The following PIK3R4 variants were observed in gnomAD, a reference collection of about 807,000 sequenced individuals.
PIK3R4 encodes phosphoinositide 3-kinase regulatory subunit 4.
In PIK3R4, 46 loss-of-function variants were observed where a neutral mutation model predicts 136.5. The ratio of observed to expected loss-of-function variants is 0.34; its 90% CI spans 0.27 to 0.43. The LOEUF is 0.43. Among genes scored for constraint, PIK3R4 ranks in the 20% least tolerant of loss-of-function variants. The pLI, the probability that PIK3R4 is intolerant of heterozygous loss-of-function variation, is 1.00. For synonymous variants in PIK3R4, 557 were observed against 566.7 expected (o/e 0.98, Z 0.24); for missense variants, 1,331 against 1,649.5 (o/e 0.81, Z 3.35).
chr3:130,690,807 T>G (rs2066513046), intron 13 of PIK3R4, 153 bp from the exon 14 acceptor site: 1 of 552,940 alleles, frequency 1.8e-6, no homozygotes, highest in South Asian at 2.7e-5. Context: ...TCAAAAGAAC[T>G]GTTACAAAAA....
At position 130,680,478 on chromosome 3, in the gene PIK3R4, A is replaced by G. The variant is rs1576448412; in HGVS notation, c.3906+135T>C. 20 of 510,338 alleles carry G rather than the reference A, an allele frequency of 3.9e-5. No individual in the cohort carries two copies. In the East Asian group the frequency reaches 6.0e-4, roughly 15 times the overall value. 31.6% of individuals were successfully genotyped at this position (510,338 alleles called of 1,614,324 possible). ...TAAAAGTTAATTTTTTTAAATACAG[A>G]AAATTCAAGAAAAAATAAATTTCCT... is the stretch of plus-strand genomic sequence containing the variant. On this transcript the variant is annotated intron_variant, in intron 19 of 19. Transcript: ENST00000356763.
At chr3:130,684,476 ATTTAT>A (rs1413909370) in intron 15 of PIK3R4, 95 bp from the exon 16 acceptor site, 2 of 1,162,620 alleles carry the variant, frequency 1.7e-6, no homozygotes, top group African/African-American at 3.1e-5. Context: ...CTTTTTATGA[ATTTAT>A]TTGAAAAATG....
intron 9 of PIK3R4, among the ~76,000 whole-genome samples, chr3:130,714,297 G>A (rs1402444068): frequency 6.6e-6 from 1 of 152,126 alleles, no homozygotes; most frequent in Non-Finnish European, 1.5e-5. Flanking sequence ...CATATATTCA[G>A]CGACTGTATT....
intron 13 of PIK3R4, among the ~76,000 whole-genome samples, chr3:130,693,546 T>C (rs2066530215): frequency 6.6e-6 from 1 of 152,196 alleles, no homozygotes; most frequent in Non-Finnish European, 1.5e-5. Flanking sequence ...CTCTAGTGAC[T>C]AAGAAGCATC....
intron 14 of PIK3R4, among the ~76,000 whole-genome samples, chr3:130,687,243 A>C (rs12496029): frequency 0.24 from 36,569 of 151,926 alleles, 4,631 homozygotes; most frequent in South Asian, 0.36. Flanking sequence ...TTAACTGCAA[A>C]CTGTCCCATA....
At chr3:130,690,873 T>C (rs747895021) in intron 13 of PIK3R4, among the ~76,000 whole-genome samples, 24 of 150,948 alleles carry the variant, frequency 1.6e-4, no homozygotes, top group Non-Finnish European at 2.8e-4. Context: ...CTCTCTATCA[T>C]AGACTACCCC....
At chr3:130,683,480 G>C (rs1454678849) in intron 16 of PIK3R4, among the ~76,000 whole-genome samples, 1 of 152,120 alleles carries the variant, frequency 6.6e-6, no homozygotes, top group Non-Finnish European at 1.5e-5. Flanking sequence ...TTGAAACCAG[G>C]TAAGGAAAGT....
chr3:130,742,441 G>A (rs1161810594), intron 2 of PIK3R4, among the ~76,000 whole-genome samples: 2 of 152,220 alleles, frequency 1.3e-5, no homozygotes, highest in Non-Finnish European at 2.9e-5. Flanking sequence ...ATAACAATTA[G>A]TGAGTTTAAA....
At chr3:130,722,742 C>A (rs972845238) in intron 7 of PIK3R4, among the ~76,000 whole-genome samples, 8 of 151,844 alleles carry the variant, frequency 5.3e-5, no homozygotes, top group African/African-American at 1.9e-4. Context: ...CAAGGCTTTA[C>A]CCACATCATG....
rs1576466289 is a variant in PIK3R4 at position 130,744,705 on chromosome 3, G to C, written c.514C>G (p.Pro172Ala). ...GGGTTGTCTTCTGGAAGATAAGTGGGCTTAAAACTGGCAAAATCAGTTAGA... is the reference window on the plus strand; with the variant it reads ...GGGTTGTCTTCTGGAAGATAAGTGGCCTTAAAACTGGCAAAATCAGTTAGA... ...VLLTDFASFK[P>A]TYLPEDNPAD... Residue 172 changes from proline to alanine, a missense_variant, in exon 2 of 20, where the codon CCC becomes GCC. This residue lies in a region of PIK3R4 where 151 missense variants were observed against 242.5 expected (regional missense o/e 0.62). Transcript: ENST00000356763. The C allele has an allele frequency of 1.1e-5, 17 of 1,614,216 alleles. No homozygotes were observed. Among genetic ancestry groups the C allele is most frequent in the Non-Finnish European group, 1.4e-5 (17 of 1,180,034 alleles).
At chr3:130,730,624 C>G (rs150506736) in intron 4 of PIK3R4, among the ~76,000 whole-genome samples, 182 bp from the exon 5 acceptor site, 181 of 151,780 alleles carry the variant, frequency 1.2e-3, no homozygotes, top group Non-Finnish European at 7.1e-4. Context: ...GTAACTGTCT[C>G]CAAACCACTA....
At chr3:130,682,448 C>T (rs138150232) in intron 16 of PIK3R4, among the ~76,000 whole-genome samples, 1 of 152,260 alleles carries the variant, frequency 6.6e-6, no homozygotes, top group African/African-American at 2.4e-5. Context: ...AAACCCATTT[C>T]AGACTTCTGG....
At chr3:130,701,068 G>A (rs1016705774) in intron 13 of PIK3R4, among the ~76,000 whole-genome samples, 1 of 152,136 alleles carries the variant, frequency 6.6e-6, no homozygotes, top group African/African-American at 2.4e-5. Context: ...GATACAGAAG[G>A]TATGACTGTA....
rs1485359228 is a variant in PIK3R4, at chr3:130,686,406, C to T, written c.3280G>A (p.Glu1094Lys). 6.2e-7 allele frequency: 1 copy of T among 1,608,820 alleles called. No homozygotes were observed. The highest frequency in any genetic ancestry group is 1.7e-5 in the Admixed American group (1 of 59,992). Reference sequence around the variant, plus strand: ...TGCATATCCACAACACAACCGTCCTCCTTCTGATCTAGAATTCTAGAGAAA... The same window carrying T: ...TGCATATCCACAACACAACCGTCCTTCTTCTGATCTAGAATTCTAGAGAAA... ...PLQSRILDQKEDGCVVDMHHF... is the reference protein window; with the variant it reads ...PLQSRILDQKKDGCVVDMHHF... Residue 1094 changes from glutamate (E) to lysine (K), a missense_variant, in exon 15 of 20, where the codon GAG (glutamate) becomes AAG (lysine). Around this residue, in one of 2 missense-constraint regions of PIK3R4, gnomAD observed 1,180 missense variants for 1,407.0 expected, o/e 0.84. Transcript: ENST00000356763.
chr3:130,680,879 T>C (rs2108513502), intron 18 of PIK3R4, 98 bp downstream of exon 18: 1 of 765,942 alleles, frequency 1.3e-6, no homozygotes, highest in Non-Finnish European at 2.2e-6. Flanking sequence ...TATTAACAGC[T>C]GTCCTTATAA....
intron 6 of PIK3R4, among the ~76,000 whole-genome samples, chr3:130,724,969 A>G (rs776615772): frequency 2.6e-5 from 4 of 152,004 alleles, no homozygotes; most frequent in Admixed American, 1.3e-4. Context: ...AATTTCAACT[A>G]TTGTTTTTCA....
intron 13 of PIK3R4, among the ~76,000 whole-genome samples, chr3:130,695,009 A>T (rs2107603718): frequency 6.6e-6 from 1 of 152,234 alleles, no homozygotes; most frequent in Non-Finnish European, 1.5e-5. Flanking sequence ...TTTGTCAAAT[A>T]CTTTCTGAGA....
At chr3:130,737,744 T>C (rs952598139) in intron 2 of PIK3R4, among the ~76,000 whole-genome samples, 1 of 152,168 alleles carries the variant, frequency 6.6e-6, no homozygotes, top group South Asian at 2.1e-4. Flanking sequence ...TTAAACATGA[T>C]CAGAACACTT....
In PIK3R4 at chr3:130,684,314, A is replaced by G; in HGVS notation, c.3543T>C (p.His1181=). The G allele has an allele frequency of 6.2e-7, 1 of 1,613,332 alleles. No homozygotes were observed. The highest frequency in any genetic ancestry group is 8.5e-7 in the Non-Finnish European group (1 of 1,179,358). The change falls in exon 16 of 20, where the codon CAT becomes CAC. Residue 1181 remains histidine, a synonymous_variant. Transcript: ENST00000356763. The part of the protein sequence containing the change: ...RFQLPISSHC[H]PSRARIRRLS... ...GGCGTCTGATTCGAGCCCTGGAAGGATGACAGTGACTTGAAATTGGCAACT... is the reference window on the plus strand; with the variant it reads ...GGCGTCTGATTCGAGCCCTGGAAGGGTGACAGTGACTTGAAATTGGCAACT...
Sources: allele counts gnomAD v4.1 joint callset (sites outside exome capture counted in the v4.1 genomes callset), GRCh38; gene constraint gnomAD v4.1.1; regional missense constraint gnomAD v4.1.1; transcripts MANE v1.5; gene names NCBI Gene and HGNC (gene_info 2026-07-23, HGNC 2026-07-21).